EVI5: variants seen among roughly 807,000 people sequenced by gnomAD.
EVI5 encodes ecotropic viral integration site 5 protein homolog.
A neutral mutation model predicts 112.0 loss-of-function variants in EVI5; 73 were observed. The ratio of observed to expected loss-of-function variants is 0.65; its 90% CI spans 0.54 to 0.79. The LOEUF (loss-of-function observed/expected upper bound fraction) is 0.79, where lower values mean the gene tolerates loss of function less well. EVI5 is among the 30% of genes least tolerant of loss of function. The pLI, the probability that EVI5 is intolerant of heterozygous loss-of-function variation, is 0.00. For synonymous variants in EVI5, 305 were observed against 319.9 expected, an observed-to-expected ratio of 0.95 and a Z score of 0.50; for missense variants, 900 against 968.8, an observed-to-expected ratio of 0.93 and a Z score of 0.94.
Position 92,695,286 on chromosome 1 carries a change from C to T in EVI5, c.909+24G>A, listed in dbSNP as rs886361226. The T allele has an allele frequency of 3.1e-6, 5 of 1,590,136 alleles. No homozygotes were observed. In the African/African-American group the frequency reaches 5.4e-5, roughly 17 times the overall value. ...CAGTGACCCCTTTGCTCAGCTCCTG[C>T]TCTTTGTCTGCCCATTAGCTTACCT... On this transcript the variant is annotated intron_variant, in intron 7 of 19. Transcript: ENST00000684568.
chr1:92,558,456 CCAAT>C (rs1467296528), intron 19 of EVI5, among the ~76,000 whole-genome samples: 1 of 152,182 alleles, frequency 6.6e-6, no homozygotes, highest in Non-Finnish European at 1.5e-5. Context: ...ATGGCACCAA[CCAAT>C]CATTCACTCA....
intron 19 of EVI5, 28 bp from the exon 20 acceptor site, chr1:92,513,998 A>T (rs1184886115): frequency 7.1e-7 from 1 of 1,399,502 alleles, no homozygotes; most frequent in Non-Finnish European, 9.7e-7. Flanking sequence ...AAGTTAATAC[A>T]GTCAAATGGG....
rs1426892523 is a variant in EVI5, at chr1:92,648,145, G to A, written c.1393-11809C>T. Among the ~76,000 whole-genome samples the A allele has an allele frequency of 1.3e-4, 17 of 132,278 alleles. 1 individual carries two copies. Among genetic ancestry groups the A allele is most frequent in the African/African-American group, 4.8e-4 (17 of 35,480 alleles). 86.8% of individuals were successfully genotyped at this position (132,278 alleles called of 152,430 possible). A position where few individuals can be genotyped will look rare whatever the true frequency, so the allele number is the denominator to read the frequency against. On this transcript the variant is annotated intron_variant, in intron 13 of 19. Coordinates refer to ENST00000684568, the MANE Select transcript of EVI5 (RefSeq NM_001350197.2). Reference sequence around the variant, plus strand: ...GTAGATTACAAGGTCAGGAGATCGAGACCATCCTGGCTAACACGGTGAAAC... The same window carrying A: ...GTAGATTACAAGGTCAGGAGATCGAAACCATCCTGGCTAACACGGTGAAAC...
intron 2 of EVI5, among the ~76,000 whole-genome samples, chr1:92,729,413 T>C (rs1570629131): frequency 6.6e-6 from 1 of 152,144 alleles, no homozygotes; most frequent in Non-Finnish European, 1.5e-5. Flanking sequence ...AATGACTTTA[T>C]TAGAAAAGAA....
intron 1 of EVI5, 62 bp from the exon 2 acceptor site, chr1:92,736,689 A>C: frequency 9.5e-7 from 1 of 1,054,374 alleles, no homozygotes; most frequent in Admixed American, 1.7e-5. Context: ...CCGAGAACTT[A>C]ATAATTCTGT....
chr1:92,727,505 T>C (rs1675754818), intron 2 of EVI5, among the ~76,000 whole-genome samples: 1 of 152,146 alleles, frequency 6.6e-6, no homozygotes, highest in Admixed American at 6.5e-5. Flanking sequence ...TGAGTCTGAT[T>C]TATCCCAGAT....
At chr1:92,636,395 A>T in intron 13 of EVI5, 59 bp from the exon 14 acceptor site, 6 of 1,414,178 alleles carry the variant, frequency 4.2e-6, no homozygotes, top group Non-Finnish European at 5.9e-6. Flanking sequence ...ATATACAATA[A>T]AAACAATGCA....
intron 18 of EVI5, among the ~76,000 whole-genome samples, chr1:92,581,086 A>G (rs533120488): frequency 6.6e-5 from 10 of 152,336 alleles, no homozygotes; most frequent in African/African-American, 2.4e-4. Context: ...GTTCATGGCT[A>G]GGTGATTGTC....
rs778144832 is a variant in EVI5 at position 92,669,547 on chromosome 1, C to CCAAAAAAAAAAAAAAAAAAAAA, written c.1159-3556_1159-3555insTTTTTTTTTTTTTTTTTTTTTG. ...TGGGCAACGGAGCAAGGCTCTGTCT[C>CCAAAAAAAAAAAAAAAAAAAAA]AAAAAAAAAAAAAATCACTGGGAAA... On this transcript the variant is annotated intron_variant, in intron 10 of 19. Coordinates refer to ENST00000684568, the MANE Select transcript of EVI5 (RefSeq NM_001350197.2). Among the ~76,000 whole-genome samples, 2 of 51,810 alleles carry CCAAAAAAAAAAAAAAAAAAAAA rather than the reference C, an allele frequency of 3.9e-5. 1 individual carries two copies. Among genetic ancestry groups the CCAAAAAAAAAAAAAAAAAAAAA allele is most frequent in the Non-Finnish European group, 6.3e-5 (2 of 31,606 alleles). 34.0% of individuals were successfully genotyped at this position (51,810 alleles called of 152,430 possible). A position where few individuals can be genotyped will look rare whatever the true frequency, so the allele number is the denominator to read the frequency against.
chr1:92,531,305 C>T (rs757032010), intron 19 of EVI5, among the ~76,000 whole-genome samples: 1 of 152,056 alleles, frequency 6.6e-6, no homozygotes, highest in South Asian at 2.1e-4. Context: ...ACCAAATCTA[C>T]GTTTGACTGG....
intron 18 of EVI5, among the ~76,000 whole-genome samples, chr1:92,583,554 C>A (rs1477730127): frequency 6.7e-6 from 1 of 148,534 alleles, no homozygotes; most frequent in Non-Finnish European, 1.5e-5. Context: ...TTTTCATCCA[C>A]CTTCATCAGT....
Position 92,694,404 on chromosome 1 carries a change from A to C in EVI5, c.910-16T>G. ...TTTCTAAACCCTGAGGAAACAAATT[A>C]AATAAATCCAAATTTATGTTACTCT... On this transcript the variant is annotated splice_polypyrimidine_tract_variant and intron_variant, in intron 7 of 19. Coordinates refer to ENST00000684568, the MANE Select transcript of EVI5 (RefSeq NM_001350197.2). 1.4e-6 allele frequency: 2 copies of C among 1,405,332 alleles called. No homozygotes were observed. The highest frequency in any genetic ancestry group is 2.0e-6 in the Non-Finnish European group (2 of 1,007,954). The allele number at this position is 1,405,332 out of a possible 1,614,324, so 87.1% of individuals were successfully genotyped here. A position where few individuals can be genotyped will look rare whatever the true frequency, so the allele number is the denominator to read the frequency against.
At chr1:92,705,494 G>A (rs1405748416) in intron 2 of EVI5, among the ~76,000 whole-genome samples, 2 of 152,100 alleles carry the variant, frequency 1.3e-5, no homozygotes, top group Non-Finnish European at 2.9e-5. Flanking sequence ...AATCCCTACA[G>A]TCTCCCCTAA....
intron 9 of EVI5, among the ~76,000 whole-genome samples, chr1:92,687,154 AG>A (rs1668688461): frequency 6.6e-6 from 1 of 152,226 alleles, no homozygotes; most frequent in South Asian, 2.1e-4. Flanking sequence ...ACAAGGCTAC[AG>A]TAACCAAAAC....
intron 1 of EVI5, among the ~76,000 whole-genome samples, chr1:92,743,351 C>CA (rs1342709392): frequency 1.3e-4 from 18 of 142,032 alleles, no homozygotes; most frequent in South Asian, 4.5e-4. Flanking sequence ...GACTCCGTCT[C>CA]AAAAAAAAAA....
intron 18 of EVI5, among the ~76,000 whole-genome samples, chr1:92,594,617 G>C (rs1647228261): frequency 6.6e-6 from 1 of 151,584 alleles, no homozygotes; most frequent in South Asian, 2.1e-4. Flanking sequence ...ACTACCATCA[G>C]AGTGAACAGG....
chr1:92,747,937 T>C (rs1679556541), intron 1 of EVI5, among the ~76,000 whole-genome samples: 2 of 152,226 alleles, frequency 1.3e-5, no homozygotes, highest in Admixed American at 6.5e-5. Context: ...TCAGCCTCCA[T>C]GATCACATGA....
chr1:92,756,759 C>A (rs1041321404), intron 1 of EVI5: 1 of 503,066 alleles, frequency 2.0e-6, no homozygotes, highest in South Asian at 1.5e-5. Flanking sequence ...CTACTATGCA[C>A]GCCTCATCTT....
Position 92,689,241 on chromosome 1 carries a change from T to G in EVI5, c.1097+4561A>C, listed in dbSNP as rs545903896. On this transcript the variant is annotated intron_variant, in intron 9 of 19. Transcript: ENST00000684568. ...TTCTGTGATGCTGAACACAGCTTACTTTGCAACCTTAAAACATTCTGAATA... is the reference window on the plus strand; with the variant it reads ...TTCTGTGATGCTGAACACAGCTTACGTTGCAACCTTAAAACATTCTGAATA... Among the ~76,000 whole-genome samples the G allele has an allele frequency of 9.2e-5, 14 of 152,308 alleles. No individual in the cohort carries two copies. The East Asian group carries it at 2.7e-3, about 29-fold the overall frequency.
Sources: allele counts gnomAD v4.1 joint callset (sites outside exome capture counted in the v4.1 genomes callset), GRCh38; gene constraint gnomAD v4.1.1; transcripts MANE v1.5; gene names NCBI Gene and HGNC (gene_info 2026-07-23, HGNC 2026-07-21).